CHN2: variants seen among roughly 807,000 people sequenced by gnomAD.
CHN2 encodes chimerin 2.
A neutral mutation model predicts 56.3 loss-of-function variants in CHN2; 35 were observed. That is an observed-to-expected ratio of 0.62 (90% CI 0.47 to 0.82). CHN2 has a LOEUF of 0.82. Ranked by LOEUF, CHN2 falls within the 40% of genes least tolerant of loss-of-function variation. The pLI is 0.00. For missense variants in CHN2, 491 were observed against 580.5 expected (o/e 0.85, Z 1.58); for synonymous variants, 210 against 212.8 (o/e 0.99, Z 0.12).
intron 1 of CHN2, among the ~76,000 whole-genome samples, chr7:29,334,846 AG>A (rs1554274574): frequency 6.6e-6 from 1 of 152,178 alleles, no homozygotes; most frequent in Non-Finnish European, 1.5e-5. Flanking sequence ...AAAGGACTAG[AG>A]TGGAGTGGGA....
chr7:29,377,729 A>T (rs1800184322), intron 3 of CHN2, among the ~76,000 whole-genome samples: 1 of 152,208 alleles, frequency 6.6e-6, no homozygotes, highest in Non-Finnish European at 1.5e-5. Context: ...CATTGGTAAT[A>T]ATCTTCTTTG....
chr7:29,279,282 G>A (rs563509101), intron 1 of CHN2, among the ~76,000 whole-genome samples: 17 of 152,352 alleles, frequency 1.1e-4, no homozygotes, highest in African/African-American at 3.8e-4. Context: ...AGAAATCAGA[G>A]TATGCTTTCC....
At chr7:29,192,925 TC>T (rs1427913258), upstream of CHN2, 4 of 152,202 alleles carry the variant, frequency 2.6e-5, no homozygotes, top group African/African-American at 7.2e-5. Flanking sequence ...CTGTTTTCTA[TC>T]AGAAGAACTC....
rs567866923 is a variant in CHN2 at position 29,460,989 on chromosome 7, A to C, written c.577-19290A>C. 2.6e-5 allele frequency among the ~76,000 whole-genome samples: 4 copies of C among 152,358 alleles called. No individual in the cohort carries two copies. In the South Asian group the frequency reaches 8.3e-4, roughly 32 times the overall value. On this transcript the variant is annotated intron_variant, in intron 6 of 12. Transcript: ENST00000222792. Reference sequence around the variant, plus strand: ...GTCTTGTCTCACGATGTTGTTCCACATCACAATAATGATTTTCTCTACTTT... The same window carrying C: ...GTCTTGTCTCACGATGTTGTTCCACCTCACAATAATGATTTTCTCTACTTT...
chr7:29,445,127 A>G (rs916295319), intron 6 of CHN2: 4 of 456,036 alleles, frequency 8.8e-6, no homozygotes, highest in Non-Finnish European at 1.3e-5. Context: ...TGGAACAGAA[A>G]GTTAGTGTCA....
chr7:29,350,848 G>T (rs527265126), intron 1 of CHN2, among the ~76,000 whole-genome samples: 39 of 152,234 alleles, frequency 2.6e-4, no homozygotes, highest in African/African-American at 8.7e-4. Context: ...GGTGGCTCAC[G>T]CCTGTAATCC....
chr7:29,460,703 T>G (rs1024803423), intron 6 of CHN2, among the ~76,000 whole-genome samples: 1 of 152,232 alleles, frequency 6.6e-6, no homozygotes, highest in Non-Finnish European at 1.5e-5. Flanking sequence ...CAGGTGTGGC[T>G]TCTTTGGACA....
intron 7 of CHN2, among the ~76,000 whole-genome samples, chr7:29,493,372 C>T (rs1788869384): frequency 6.6e-6 from 1 of 152,170 alleles, no homozygotes; most frequent in South Asian, 2.1e-4. Context: ...GTAGCTCCAT[C>T]ATTAAGTGAT....
chr7:29,255,634 C>T (rs1789012027), intron 1 of CHN2, among the ~76,000 whole-genome samples: 1 of 152,170 alleles, frequency 6.6e-6, no homozygotes, highest in Non-Finnish European at 1.5e-5. Context: ...TGGAACTGAC[C>T]TTGCAGACAG....
intron 2 of CHN2, among the ~76,000 whole-genome samples, chr7:29,147,764 A>T (rs1562793939): frequency 6.6e-6 from 1 of 152,242 alleles, no homozygotes; most frequent in Non-Finnish European, 1.5e-5. Context: ...CCAGGGCAAA[A>T]GTACAAACAG....
chr7:29,490,652 C>T (rs946364892), intron 7 of CHN2, among the ~76,000 whole-genome samples: 1 of 152,210 alleles, frequency 6.6e-6, no homozygotes. Context: ...ATTTGTAATG[C>T]CACTTCTGAG....
intron 2 of CHN2, among the ~76,000 whole-genome samples, chr7:29,168,455 A>C (rs1019930853): frequency 2.0e-4 from 31 of 152,236 alleles, no homozygotes; most frequent in African/African-American, 7.5e-4. Context: ...CAGCTTCTAT[A>C]ATTATGGACT....
chr7:29,480,097 G>A lies in CHN2; in HGVS notation c.577-182G>A, dbSNP rs7455191. 7.7e-6 allele frequency: 12 copies of A among 1,551,752 alleles called. No individual in the cohort carries two copies. The African/African-American group carries it at 1.6e-4, about 21-fold the overall frequency. On this transcript the variant is annotated intron_variant, in intron 6 of 12. Coordinates refer to ENST00000222792, the MANE Select transcript of CHN2 (RefSeq NM_004067.4). ...TCTGCAGAGCAAACTGGAAAGAGCT[G>A]GGATCCAGGCACTATGTTCTCTGAA...
chr7:29,217,602 T>C (rs1785442430), intron 1 of CHN2, among the ~76,000 whole-genome samples: 1 of 152,244 alleles, frequency 6.6e-6, no homozygotes. Flanking sequence ...GCGCTTTTTA[T>C]ATGAATACAA....
intron 1 of CHN2, among the ~76,000 whole-genome samples, chr7:29,286,836 T>C (rs998156805): frequency 6.6e-6 from 1 of 152,230 alleles, no homozygotes; most frequent in South Asian, 2.1e-4. Flanking sequence ...ACCTTTCTCC[T>C]TTATTCACAT....
At chr7:29,336,918 G>A (rs1796672168) in intron 1 of CHN2, among the ~76,000 whole-genome samples, 1 of 152,058 alleles carries the variant, frequency 6.6e-6, no homozygotes, top group Non-Finnish European at 1.5e-5. Context: ...TCACTGCCCA[G>A]CTCCAATGTC....
chr7:29,251,570 G>A (rs1451413670), intron 1 of CHN2, among the ~76,000 whole-genome samples: 1 of 152,232 alleles, frequency 6.6e-6, no homozygotes, highest in Non-Finnish European at 1.5e-5. Context: ...AACATGGTGA[G>A]TACTGAATAA....
chr7:29,492,089 T>C (rs902414093), intron 7 of CHN2, among the ~76,000 whole-genome samples: 29 of 152,352 alleles, frequency 1.9e-4, no homozygotes, highest in African/African-American at 7.0e-4. Flanking sequence ...TTGACATTTG[T>C]CTGAAAATAT....
At chr7:29,385,334 C>T (rs1800833420) in intron 3 of CHN2, among the ~76,000 whole-genome samples, 2 of 152,210 alleles carry the variant, frequency 1.3e-5, no homozygotes, top group Admixed American at 6.5e-5. Flanking sequence ...AAAGTTCTTC[C>T]AGTCTAAAGC....
Sources: allele counts gnomAD v4.1 joint callset (sites outside exome capture counted in the v4.1 genomes callset), GRCh38; gene constraint gnomAD v4.1.1; transcripts MANE v1.5; gene names NCBI Gene and HGNC (gene_info 2026-07-23, HGNC 2026-07-21).